The following RNF121 variants were observed in gnomAD, a reference collection of about 807,000 sequenced individuals.
RNF121 encodes ring finger protein 121, also known as E3 ubiquitin ligase RNF121.
Under a neutral mutation model 46.5 loss-of-function variants are expected in RNF121, and 21 were observed. The ratio of observed to expected loss-of-function variants is 0.45; its 90% CI spans 0.32 to 0.65. The LOEUF is 0.65. Among genes scored for constraint, RNF121 ranks in the 30% least tolerant of loss-of-function variants. The probability of loss-of-function intolerance (pLI) is 0.04; values close to 1 mark genes in which losing one functional copy is unlikely to be tolerated. For synonymous variants in RNF121, 139 were observed against 144.7 expected (o/e 0.96, Z 0.28); for missense variants, 346 against 416.0 (o/e 0.83, Z 1.46).
At chr11:71,962,275 C>T in intron 3 of RNF121, 1 of 984,254 alleles carries the variant, frequency 1.0e-6, no homozygotes, top group African/African-American at 1.7e-5. Flanking sequence ...ATTTTTACAA[C>T]CTATTCTGAA....
intron 3 of RNF121, among the ~76,000 whole-genome samples, chr11:71,979,255 A>T (rs572298305): frequency 6.6e-6 from 1 of 152,218 alleles, no homozygotes; most frequent in South Asian, 2.1e-4. Context: ...CCCTTCCTCC[A>T]AGAAAGGACG....
At chr11:71,986,555 C>T (rs1395995633) in intron 4 of RNF121, among the ~76,000 whole-genome samples, 1 of 151,968 alleles carries the variant, frequency 6.6e-6, no homozygotes, top group Non-Finnish European at 1.5e-5. Context: ...ATCATGTGGT[C>T]AGGAATTCGA....
At chr11:71,939,910 A>G (rs1953525393) in intron 1 of RNF121, among the ~76,000 whole-genome samples, 1 of 152,252 alleles carries the variant, frequency 6.6e-6, no homozygotes, top group African/African-American at 2.4e-5. Context: ...ATCAAGTGAT[A>G]ATGACAATAT....
chr11:71,966,385 T>C (rs946374520), intron 3 of RNF121, among the ~76,000 whole-genome samples: 1 of 152,216 alleles, frequency 6.6e-6, no homozygotes, highest in Admixed American at 6.5e-5. Context: ...TCTACAAGAC[T>C]TCAGAAGCAA....
Position 71,981,849 on chromosome 11 carries a change from AC to A in RNF121, c.244-909del, listed in dbSNP as rs766532322. 2.6e-5 allele frequency among the ~76,000 whole-genome samples: 4 copies of A among 152,278 alleles called. No homozygotes were observed. The South Asian group carries it at 8.3e-4, about 32-fold the overall frequency. Reference sequence around the variant, plus strand: ...GAAGTGGGAATATGGCCCAGTCACTACCCACAAGGAGCTTACATACAGGTAG... The same window carrying A: ...GAAGTGGGAATATGGCCCAGTCACTACCACAAGGAGCTTACATACAGGTAG... On this transcript the variant is annotated intron_variant, in intron 3 of 8. Transcript: ENST00000361756.
intron 1 of RNF121, among the ~76,000 whole-genome samples, chr11:71,943,654 G>A (rs1376328365): frequency 6.6e-6 from 1 of 152,192 alleles, no homozygotes; most frequent in African/African-American, 2.4e-5. Context: ...GTAAACAGAT[G>A]TAATAATTGC....
intron 2 of RNF121, among the ~76,000 whole-genome samples, chr11:71,959,297 T>C (rs1301338020): frequency 1.3e-5 from 2 of 152,208 alleles, no homozygotes; most frequent in African/African-American, 2.4e-5. Context: ...TGAAAAACTT[T>C]AAACACATAG....
At position 71,982,748 on chromosome 11, in the gene RNF121, G is replaced by A; in HGVS notation, c.244-13G>A. The A allele has an allele frequency of 6.2e-7, 1 of 1,602,794 alleles. No individual in the cohort carries two copies. On this transcript the variant is annotated splice_polypyrimidine_tract_variant and intron_variant, in intron 3 of 8. Coordinates refer to ENST00000361756, the MANE Select transcript of RNF121 (RefSeq NM_018320.5). Reference sequence around the variant, plus strand: ...AGCTGGCCAGAGCTGAAGTGCTTGTGTTTGTGTTTCAGATGGTGACCCTCT... The same window carrying A: ...AGCTGGCCAGAGCTGAAGTGCTTGTATTTGTGTTTCAGATGGTGACCCTCT...
At chr11:71,958,252 G>A (rs1954039304) in intron 2 of RNF121, among the ~76,000 whole-genome samples, 1 of 152,172 alleles carries the variant, frequency 6.6e-6, no homozygotes, top group African/African-American at 2.4e-5. Flanking sequence ...TTCATATCAT[G>A]TTATATGAAC....
intron 1 of RNF121, among the ~76,000 whole-genome samples, chr11:71,933,931 T>C (rs1027227990): frequency 2.0e-5 from 3 of 152,224 alleles, no homozygotes; most frequent in Admixed American, 1.3e-4. Flanking sequence ...GTTTACGACA[T>C]CCCCGTGAGA....
In RNF121 at chr11:71,987,068, ATGGC is replaced by A; in HGVS notation, c.466_469del (p.Ala156SerfsTer52). 1 of 1,613,878 alleles carries A rather than the reference ATGGC, an allele frequency of 6.2e-7. No homozygotes were observed. Among genetic ancestry groups the A allele is most frequent in the Non-Finnish European group, 8.5e-7 (1 of 1,179,812 alleles). ...CTATGCCACTGGCATTGTTGGCTAC[ATGGC>A]TGTCATGTTTACCCTCTTTGGTCTT... On this transcript the variant is annotated frameshift_variant, in exon 5 of 9. Coordinates refer to ENST00000361756, the MANE Select transcript of RNF121 (RefSeq NM_018320.5). LOFTEE classifies it high-confidence loss of function.
chr11:71,983,550 G>A (rs753844508), intron 4 of RNF121: 2 of 152,144 alleles, frequency 1.3e-5, no homozygotes, highest in South Asian at 2.1e-4. Flanking sequence ...ATTCAAATTC[G>A]TTTCTCATTT....
intron 1 of RNF121, among the ~76,000 whole-genome samples, chr11:71,942,093 C>T (rs994482069): frequency 5.9e-5 from 9 of 151,908 alleles, no homozygotes; most frequent in Non-Finnish European, 1.2e-4. Flanking sequence ...CCACCACGCC[C>T]AGCTATTTTT....
At chr11:71,954,806 T>TA (rs1953955157) in intron 1 of RNF121, among the ~76,000 whole-genome samples, 2 of 152,244 alleles carry the variant, frequency 1.3e-5, no homozygotes, top group Non-Finnish European at 2.9e-5. Flanking sequence ...GTCAAATGAA[T>TA]ACTCCTTTCC....
rs1054143806 is a variant in RNF121, at chr11:71,966,791, C to T, written c.243+5900C>T. On this transcript the variant is annotated intron_variant, in intron 3 of 8. Coordinates refer to ENST00000361756, the MANE Select transcript of RNF121 (RefSeq NM_018320.5). ...GCATGAGCCACCACAATTGGCCTTGCGTTTTTTAAATAACATGTTTATACT... is the reference window on the plus strand; with the variant it reads ...GCATGAGCCACCACAATTGGCCTTGTGTTTTTTAAATAACATGTTTATACT... Among the ~76,000 whole-genome samples, 9 of 151,520 alleles carry T rather than the reference C, an allele frequency of 5.9e-5. No homozygotes were observed. The East Asian group carries it at 1.2e-3, about 19-fold the overall frequency.
chr11:71,939,601 GTTATC>G (rs1352703848), intron 1 of RNF121: 3 of 152,282 alleles, frequency 2.0e-5, no homozygotes, highest in Admixed American at 2.0e-4. Flanking sequence ...TTTTAATACT[GTTATC>G]TTAATTTTCC....
At chr11:71,975,228 G>A (rs959483771) in intron 3 of RNF121, among the ~76,000 whole-genome samples, 3 of 152,142 alleles carry the variant, frequency 2.0e-5, no homozygotes, top group African/African-American at 7.2e-5. Context: ...AGGTGGTAAG[G>A]GGTTGTAATT....
chr11:71,979,735 A>C (rs1212163954), intron 3 of RNF121, among the ~76,000 whole-genome samples: 1 of 152,244 alleles, frequency 6.6e-6, no homozygotes, highest in Admixed American at 6.5e-5. Flanking sequence ...TGATTGGTGG[A>C]AAGTGGGAAA....
At chr11:71,989,438 T>C (rs1232619726) in intron 5 of RNF121, among the ~76,000 whole-genome samples, 1 of 152,192 alleles carries the variant, frequency 6.6e-6, no homozygotes, top group Non-Finnish European at 1.5e-5. Flanking sequence ...TTTACTTGCC[T>C]GAACTCTACA....
Sources: gnomAD v4.1 joint callset for allele counts (sites outside exome capture counted in the v4.1 genomes callset) on GRCh38, gnomAD v4.1.1 for gene constraint, MANE v1.5 for transcripts, NCBI Gene and HGNC (gene_info 2026-07-23, HGNC 2026-07-21) for gene names.